The following KCNJ6 variants were observed in gnomAD, a reference collection of about 807,000 sequenced individuals.
KCNJ6 encodes the protein potassium inwardly rectifying channel subfamily J member 6, also known as G protein-activated inward rectifier potassium channel 2.
A neutral mutation model predicts 34.2 loss-of-function variants in KCNJ6; 9 were observed. The observed-to-expected ratio is 0.26, with a 90% CI of 0.16 to 0.46. The LOEUF (loss-of-function observed/expected upper bound fraction) is 0.46. KCNJ6 is among the 20% of genes least tolerant of loss of function. The probability of loss-of-function intolerance (pLI) is 1.00; values close to 1 mark genes in which losing one functional copy is unlikely to be tolerated. For synonymous variants in KCNJ6, 196 were observed against 207.1 expected, an observed-to-expected ratio of 0.95 and a Z score of 0.46; for missense variants, 236 against 531.3, an observed-to-expected ratio of 0.44 and a Z score of 5.46.
At chr21:37,823,052 G>T (rs1238066365) in intron 2 of KCNJ6, among the ~76,000 whole-genome samples, 2 of 152,116 alleles carry the variant, frequency 1.3e-5, no homozygotes, top group African/African-American at 4.8e-5. Context: ...GTTGAAGAGG[G>T]AGGGACAGAT....
chr21:37,839,070 CCTGTGGAA>C (rs1422682367), intron 2 of KCNJ6, among the ~76,000 whole-genome samples: 1 of 152,208 alleles, frequency 6.6e-6, no homozygotes, highest in East Asian at 1.9e-4. Context: ...TCCTGTACAG[CCTGTGGAA>C]CTGTGGAGCT....
intron 3 of KCNJ6, among the ~76,000 whole-genome samples, chr21:37,693,357 C>T (rs1222420877): frequency 6.6e-6 from 1 of 152,164 alleles, no homozygotes; most frequent in Non-Finnish European, 1.5e-5. Flanking sequence ...CAAGGAGGGG[C>T]CCAGGGATTG....
rs1491521056 is a variant in KCNJ6, at chr21:37,614,587, CAT to C, written c.*10570_*10571del. The C allele has an allele frequency of 3.1e-5, 2 of 63,984 alleles. No individual in the cohort carries two copies. The highest frequency in any genetic ancestry group is 1.8e-4 in the Admixed American group (1 of 5,440). 4.0% of individuals were successfully genotyped at this position (63,984 alleles called of 1,614,324 possible). A position where few individuals can be genotyped will look rare whatever the true frequency, so the allele number is the denominator to read the frequency against. On this transcript the variant is annotated 3_prime_UTR_variant, in exon 4 of 4. Coordinates refer to ENST00000609713, the MANE Select transcript of KCNJ6 (RefSeq NM_002240.5). ...GTGTGTATGCATGTGTCTCTGTATG[CAT>C]GTGTGTGTATGCATGTCTGTATGCG...
intron 1 of KCNJ6, among the ~76,000 whole-genome samples, chr21:37,894,661 C>CA (rs978735190): frequency 1.3e-5 from 2 of 149,760 alleles, no homozygotes; most frequent in African/African-American, 2.5e-5. Context: ...GATTCCATCT[C>CA]AAAAAAAAGA....
Position 37,743,557 on chromosome 21 carries a change from C to T in KCNJ6, c.26-28426G>A, listed in dbSNP as rs143098038. Among the ~76,000 whole-genome samples, 101 of 152,172 alleles carry T rather than the reference C, an allele frequency of 6.6e-4. 1 individual carries two copies. The highest frequency in any genetic ancestry group is 1.2e-3 in the Non-Finnish European group (82 of 68,000). On this transcript the variant is annotated intron_variant, in intron 2 of 3. Transcript: ENST00000609713. The stretch of plus-strand genomic sequence containing the variant: ...GCTGCTATTGAGAGAGTGGGCTCCT[C>T]ATAAGAGAATGAGTTTGGCCCCTCT...
chr21:37,722,123 C>A (rs893867532), intron 2 of KCNJ6, among the ~76,000 whole-genome samples: 11 of 151,884 alleles, frequency 7.2e-5, no homozygotes, highest in Admixed American at 7.2e-4. Context: ...AATCAATGTA[C>A]AAAAATCAGT....
At chr21:37,879,189 C>G (rs1385835989) in intron 1 of KCNJ6, among the ~76,000 whole-genome samples, 1 of 152,084 alleles carries the variant, frequency 6.6e-6, no homozygotes, top group Non-Finnish European at 1.5e-5. Context: ...TTCCCTTCCC[C>G]CAAATTGCTC....
chr21:37,856,507 CTG>C (rs2055566004), intron 1 of KCNJ6, among the ~76,000 whole-genome samples: 1 of 152,132 alleles, frequency 6.6e-6, no homozygotes, highest in Non-Finnish European at 1.5e-5. Context: ...CAAGTCAAGA[CTG>C]TGGACTAGGT....
chr21:37,881,847 A>G (rs2055710101), intron 1 of KCNJ6, among the ~76,000 whole-genome samples: 1 of 152,216 alleles, frequency 6.6e-6, no homozygotes, highest in Non-Finnish European at 1.5e-5. Context: ...TTCAGTCTAC[A>G]GCAGTCTGTA....
chr21:37,796,779 C>CTTTTTTTT (rs1172378200), intron 2 of KCNJ6, among the ~76,000 whole-genome samples: 23 of 71,490 alleles, frequency 3.2e-4, no homozygotes, highest in East Asian at 9.5e-4. Flanking sequence ...TTCTTTCTTT[C>CTTTTTTTT]TTTTTTTTTT....
At chr21:37,634,067 C>T (rs1254043124) in intron 3 of KCNJ6, among the ~76,000 whole-genome samples, 1 of 152,190 alleles carries the variant, frequency 6.6e-6, no homozygotes, top group Non-Finnish European at 1.5e-5. Context: ...TAAGTATGGA[C>T]ATGTGCAACA....
chr21:37,643,183 G>A (rs1429503975), intron 3 of KCNJ6, among the ~76,000 whole-genome samples: 1 of 152,160 alleles, frequency 6.6e-6, no homozygotes, highest in Non-Finnish European at 1.5e-5. Context: ...GGTGTTAAAG[G>A]CAGGTATTGT....
chr21:37,875,884 C>T (rs530929731), intron 1 of KCNJ6, among the ~76,000 whole-genome samples: 87 of 152,230 alleles, frequency 5.7e-4, no homozygotes, highest in Middle Eastern at 3.4e-3. Context: ...GCTCTAACAG[C>T]GTTGGAGGGT....
intron 2 of KCNJ6, among the ~76,000 whole-genome samples, chr21:37,737,310 A>T (rs535207939): frequency 6.6e-6 from 1 of 152,156 alleles, no homozygotes; most frequent in Non-Finnish European, 1.5e-5. Flanking sequence ...TTCCTACTTT[A>T]ACCTGAACTA....
intron 3 of KCNJ6, among the ~76,000 whole-genome samples, chr21:37,654,414 T>TA (rs60672862): frequency 0.3 from 43,033 of 145,456 alleles, 6,216 homozygotes; most frequent in Middle Eastern, 0.35. Context: ...TGACATTTGG[T>TA]AAAAAAAAAA....
intron 2 of KCNJ6, among the ~76,000 whole-genome samples, chr21:37,763,281 C>T (rs2055075025): frequency 6.6e-6 from 1 of 152,172 alleles, no homozygotes. Context: ...CCACCCAGGA[C>T]TTGAAGGCAA....
intron 2 of KCNJ6, among the ~76,000 whole-genome samples, chr21:37,746,832 T>C (rs997641071): frequency 5.3e-5 from 8 of 152,372 alleles, no homozygotes; most frequent in African/African-American, 1.7e-4. Flanking sequence ...CTGTAAATTG[T>C]CCTTTATCCA....
At chr21:37,654,363 T>C (rs1471445712) in intron 3 of KCNJ6, among the ~76,000 whole-genome samples, 1 of 152,018 alleles carries the variant, frequency 6.6e-6, no homozygotes, top group Non-Finnish European at 1.5e-5. Flanking sequence ...TACTTTCTGA[T>C]TGGTCTTCTA....
At chr21:37,874,817 A>T (rs2055669737) in intron 1 of KCNJ6, among the ~76,000 whole-genome samples, 1 of 152,072 alleles carries the variant, frequency 6.6e-6, no homozygotes, top group Non-Finnish European at 1.5e-5. Flanking sequence ...CCCTTTAAAC[A>T]CATTCACAAT....
Sources: allele counts gnomAD v4.1 joint callset (sites outside exome capture counted in the v4.1 genomes callset), GRCh38; gene constraint gnomAD v4.1.1; transcripts MANE v1.5; gene names NCBI Gene and HGNC (gene_info 2026-07-23, HGNC 2026-07-21).